Variants in CBFA2T2 observed in about 807,000 individuals in gnomAD.
CBFA2T2 encodes the protein CBFA2/RUNX1 partner transcriptional co-repressor 2.
A neutral mutation model predicts 62.2 loss-of-function variants in CBFA2T2; 11 were observed. The ratio of observed to expected loss-of-function variants is 0.18; its 90% confidence interval spans 0.11 to 0.29. The LOEUF is 0.29. CBFA2T2 is among the 10% of genes least tolerant of loss of function. The probability of loss-of-function intolerance (pLI) is 1.00; values close to 1 mark genes in which losing one functional copy is unlikely to be tolerated. For missense variants in CBFA2T2, 592 were observed against 774.1 expected (o/e 0.76, Z 2.79); for synonymous variants, 295 against 287.5 (o/e 1.03, Z -0.27).
intron 4 of CBFA2T2, among the ~76,000 whole-genome samples, chr20:33,622,340 C>T (rs1370128651): frequency 1.3e-5 from 2 of 152,176 alleles, no homozygotes; most frequent in Non-Finnish European, 1.5e-5. Context: ...CTTTCACTTG[C>T]TCATCTGTCC....
chr20:33,522,654 G>A (rs1283240301), intron 1 of CBFA2T2, among the ~76,000 whole-genome samples: 1 of 152,080 alleles, frequency 6.6e-6, no homozygotes, highest in African/African-American at 2.4e-5. Context: ...GAGGTGGGAG[G>A]ATCATTTGAG....
chr20:33,577,180 G>T (rs1198262017), intron 1 of CBFA2T2, among the ~76,000 whole-genome samples: 1 of 152,204 alleles, frequency 6.6e-6, no homozygotes, highest in Non-Finnish European at 1.5e-5. Context: ...TCAGTAAGCA[G>T]TGATGGCTGT....
At chr20:33,571,433 T>C (rs2013561524) in intron 1 of CBFA2T2, among the ~76,000 whole-genome samples, 1 of 152,264 alleles carries the variant, frequency 6.6e-6, no homozygotes, top group Non-Finnish European at 1.5e-5. Context: ...AATTTTAATG[T>C]GTACTTGACA....
intron 3 of CBFA2T2, among the ~76,000 whole-genome samples, chr20:33,616,726 CA>C (rs369489789): frequency 0.032 from 4,005 of 123,998 alleles, 125 homozygotes; most frequent in African/African-American, 0.094. Flanking sequence ...GACTGTGTCT[CA>C]AAAAAAAAAA....
At chr20:33,517,774 A>G (rs2011628573) in intron 1 of CBFA2T2, among the ~76,000 whole-genome samples, 1 of 150,514 alleles carries the variant, frequency 6.6e-6, no homozygotes, top group Non-Finnish European at 1.5e-5. Flanking sequence ...CCTCCCGAGT[A>G]GCTTGTTCTA....
At chr20:33,560,931 G>C (rs2013064853) in intron 1 of CBFA2T2, among the ~76,000 whole-genome samples, 1 of 152,122 alleles carries the variant, frequency 6.6e-6, no homozygotes, top group African/African-American at 2.4e-5. Context: ...AGGCTGGAGT[G>C]CAGTGGCATG....
At chr20:33,492,308 C>T (rs1216607549) in intron 1 of CBFA2T2, among the ~76,000 whole-genome samples, 1 of 151,734 alleles carries the variant, frequency 6.6e-6, no homozygotes, top group Non-Finnish European at 1.5e-5. Context: ...CGTGAGTCAC[C>T]AAGCCTGACC....
intron 1 of CBFA2T2, among the ~76,000 whole-genome samples, chr20:33,530,510 C>T (rs1228518133): frequency 6.6e-6 from 1 of 152,084 alleles, no homozygotes; most frequent in Admixed American, 6.5e-5. Flanking sequence ...CTCTGCCTCC[C>T]GGGTTCATGC....
chr20:33,633,535 G>A (rs2016528935), intron 8 of CBFA2T2, among the ~76,000 whole-genome samples: 1 of 152,148 alleles, frequency 6.6e-6, no homozygotes, highest in Non-Finnish European at 1.5e-5. Flanking sequence ...ATGCAATGTA[G>A]GTTTCCTTAC....
chr20:33,629,543 T>C (rs763309779), intron 7 of CBFA2T2, among the ~76,000 whole-genome samples, 176 bp from the exon 8 acceptor site: 2 of 152,238 alleles, frequency 1.3e-5, no homozygotes, highest in Non-Finnish European at 2.9e-5. Flanking sequence ...TCAACACCAA[T>C]GTCCTTCCTA....
At position 33,600,183 on chromosome 20, in the gene CBFA2T2, T is replaced by TTG. The variant is rs72138548; in HGVS notation, c.35-6772_35-6771insGT. Among the ~76,000 whole-genome samples the TTG allele has an allele frequency of 1.6e-3, 111 of 69,250 alleles. 3 individuals are homozygous for TTG. Among genetic ancestry groups the TTG allele is most frequent in the Non-Finnish European group, 2.8e-3 (89 of 32,330 alleles). 45.4% of individuals were successfully genotyped at this position (69,250 alleles called of 152,430 possible). On this transcript the variant is annotated intron_variant, in intron 1 of 10. Coordinates refer to ENST00000342704, the MANE Select transcript of CBFA2T2 (RefSeq NM_001032999.3). ...AGTTAGAATTATCACTTTTGGAAAG[T>TTG]TTTTTTTTTTTTTTTTTTTTTTTTT...
intron 1 of CBFA2T2, among the ~76,000 whole-genome samples, chr20:33,590,575 ATCT>A (rs2014575068): frequency 6.6e-6 from 1 of 152,124 alleles, no homozygotes; most frequent in African/African-American, 2.4e-5. Context: ...GAGTGCCAAG[ATCT>A]TCTCATTTAT....
At chr20:33,504,322 C>A (rs535726206) in intron 1 of CBFA2T2, among the ~76,000 whole-genome samples, 15 of 151,280 alleles carry the variant, frequency 9.9e-5, no homozygotes, top group African/African-American at 3.4e-4. Context: ...TACGGTTCTG[C>A]ATGTGGACAT....
intron 1 of CBFA2T2, among the ~76,000 whole-genome samples, chr20:33,499,846 G>T (rs1270602977): frequency 6.6e-6 from 1 of 152,060 alleles, no homozygotes; most frequent in Admixed American, 6.6e-5. Context: ...ATGAGTTAGA[G>T]AATTTAATTG....
In CBFA2T2 at chr20:33,501,630, C is replaced by CTTTTTTTT. The variant is rs869281966; in HGVS notation, c.34+11350_34+11357dup. ...AGTTGAAACTATATTCTTAGCCTTC[C>CTTTTTTTT]TTTTTTTTTTTTTTTTTTTTTTTTT... On this transcript the variant is annotated intron_variant, in intron 1 of 10. Coordinates refer to ENST00000342704, the MANE Select transcript of CBFA2T2 (RefSeq NM_001032999.3). Among the ~76,000 whole-genome samples, 253 of 63,268 alleles carry CTTTTTTTT rather than the reference C, an allele frequency of 4.0e-3. 66 individuals are homozygous for CTTTTTTTT. The highest frequency in any genetic ancestry group is 4.7e-3 in the African/African-American group (67 of 14,140). 41.5% of individuals were successfully genotyped at this position (63,268 alleles called of 152,430 possible).
chr20:33,612,399 G>A (rs568690066), intron 3 of CBFA2T2, among the ~76,000 whole-genome samples: 1 of 152,302 alleles, frequency 6.6e-6, no homozygotes, highest in South Asian at 2.1e-4. Context: ...CCTTGAAGCT[G>A]CAGCTCTCCG....
At chr20:33,516,008 A>T (rs2011594005) in intron 1 of CBFA2T2, among the ~76,000 whole-genome samples, 1 of 151,976 alleles carries the variant, frequency 6.6e-6, no homozygotes, top group Admixed American at 6.6e-5. Flanking sequence ...AGCCAGTAGC[A>T]CACCTGTAAT....
In CBFA2T2 at chr20:33,609,141, C is replaced by G. The variant is rs115648457; in HGVS notation, c.179-1953C>G. On this transcript the variant is annotated intron_variant, in intron 2 of 10. Coordinates refer to ENST00000342704, the MANE Select transcript of CBFA2T2 (RefSeq NM_001032999.3). ...ACTTATAAAACTTAATTAAAGTATGCACATATGTATTGTGTATTGTATTAT... is the reference window on the plus strand; with the variant it reads ...ACTTATAAAACTTAATTAAAGTATGGACATATGTATTGTGTATTGTATTAT... 5.3e-3 allele frequency among the ~76,000 whole-genome samples: 810 copies of G among 152,112 alleles called. 11 individuals carry two copies. The highest frequency in any genetic ancestry group is 0.018 in the African/African-American group (760 of 41,456).
chr20:33,643,815 A>G (rs2016946768), intron 10 of CBFA2T2, among the ~76,000 whole-genome samples: 2 of 52,296 alleles, frequency 3.8e-5, no homozygotes, highest in African/African-American at 2.2e-4. Context: ...ATATATATAT[A>G]TAGTATATAA....
Sources: allele counts gnomAD v4.1 joint callset (sites outside exome capture counted in the v4.1 genomes callset), GRCh38; gene constraint gnomAD v4.1.1; transcripts MANE v1.5; gene names NCBI Gene and HGNC (gene_info 2026-07-23, HGNC 2026-07-21).